ZNF608: variants seen among roughly 807,000 people sequenced by gnomAD.
ZNF608 encodes renal carcinoma antigen NY-REN-36.
Under a neutral mutation model 109.0 loss-of-function variants are expected in ZNF608, and 12 were observed. That is an observed-to-expected ratio of 0.11 (90% CI 0.07 to 0.18). The LOEUF is 0.18. ZNF608 is among the 10% of genes least tolerant of loss of function. The pLI, the probability that ZNF608 is intolerant of heterozygous loss-of-function variation, is 1.00. For synonymous variants in ZNF608, 732 were observed against 717.4 expected (o/e 1.02, Z -0.33); for missense variants, 1,707 against 1,879.3 (o/e 0.91, Z 1.70).
chr5:124,701,951 C>T (rs753925127), intron 2 of ZNF608, among the ~76,000 whole-genome samples: 3 of 152,080 alleles, frequency 2.0e-5, no homozygotes, highest in East Asian at 3.9e-4. Flanking sequence ...CAAATTCTTC[C>T]GTGGTTAAAC....
intron 5 of ZNF608, among the ~76,000 whole-genome samples, chr5:124,644,948 G>C (rs534645406): frequency 6.6e-6 from 1 of 152,084 alleles, no homozygotes; most frequent in Non-Finnish European, 1.5e-5. Context: ...CGTGGAGCTG[G>C]GCTTCAAACT....
Position 124,647,444 on chromosome 5 carries a change from A to C in ZNF608, c.2940T>G (p.Ser980=). Residue 980 remains serine (S), a synonymous_variant, in exon 5 of 10, where the codon TCT becomes TCG. Transcript: ENST00000513986. ...GTTGAGATGATTGTGCTGTAGTTGA[A>C]GAATGCCCTTTTACAACACTGTCCT... ...SSKDSVVKGH[S]STTAQSSQLK... 1 of 1,614,240 alleles carries C rather than the reference A, an allele frequency of 6.2e-7. No homozygotes were observed. Among genetic ancestry groups the C allele is most frequent in the Non-Finnish European group, 8.5e-7 (1 of 1,180,048 alleles).
intron 3 of ZNF608, among the ~76,000 whole-genome samples, chr5:124,662,941 G>C (rs183425577): frequency 6.6e-6 from 1 of 152,258 alleles, no homozygotes; most frequent in Non-Finnish European, 1.5e-5. Flanking sequence ...TAACACTTGG[G>C]GGTTGCCACC....
At chr5:124,713,593 G>A (rs1753583551) in intron 2 of ZNF608, among the ~76,000 whole-genome samples, 1 of 152,124 alleles carries the variant, frequency 6.6e-6, no homozygotes, top group South Asian at 2.1e-4. Context: ...AAAATTCTGT[G>A]GAAATTTGTT....
chr5:124,744,983 C>G lies in ZNF608; in HGVS notation c.7G>C (p.Val3Leu), dbSNP rs1561600136. ...CCTTTTCCTGCAGTAGAAATGTTCA[C>G]TGACATCCTGAAGATGAGCTCTCTA... MS[V>L]NISTAGKGVD... The change falls in exon 2 of 10, where the codon GTG (valine) becomes CTG (leucine). Residue 3 changes from valine (V) to leucine (L), a missense_variant. Val to Leu is a conservative substitution (Grantham distance 32). Coordinates refer to ENST00000513986, the MANE Select transcript of ZNF608 (RefSeq NM_020747.3). The surrounding 1 kb of genome is among the most constrained non-coding windows in gnomAD (Gnocchi z 4.5). 1.2e-6 allele frequency: 2 copies of G among 1,605,080 alleles called. No homozygotes were observed. Among genetic ancestry groups the G allele is most frequent in the East Asian group, 4.5e-5 (2 of 44,842 alleles).
chr5:124,664,570 A>G (rs1751399605), intron 3 of ZNF608, among the ~76,000 whole-genome samples: 1 of 152,140 alleles, frequency 6.6e-6, no homozygotes, highest in Admixed American at 6.5e-5. Flanking sequence ...TATCTCATTC[A>G]TTCCTCAGAG....
At chr5:124,676,554 G>A (rs114652469) in intron 3 of ZNF608, among the ~76,000 whole-genome samples, 2,019 of 151,994 alleles carry the variant, frequency 0.013, 26 homozygotes, top group Non-Finnish European at 0.022. Context: ...ATTTTGTGAC[G>A]TACCGTGTTA....
In ZNF608 at chr5:124,641,375, G is replaced by A. The variant is rs1443967204; in HGVS notation, c.4327C>T (p.Arg1443Trp). The A allele has an allele frequency of 8.1e-6, 13 of 1,613,764 alleles. No individual in the cohort carries two copies. The highest frequency in any genetic ancestry group is 1.1e-5 in the South Asian group (1 of 91,060). Residue 1443 changes from arginine to tryptophan, a missense_variant, in exon 8 of 10, where the codon CGG (arginine) becomes TGG (tryptophan). By Grantham distance (101) the Arg-to-Trp change is moderately radical. Around this residue, in one of 7 missense-constraint regions of ZNF608, gnomAD observed 1,073 missense variants for 1,133.5 expected, o/e 0.95. Transcript: ENST00000513986. ...PVEKATAERE[R>W]EAERERDRHS... ...CGATCCCTTTCCCTTTCTGCCTCCC[G>A]TTCCCGCTCAGCTGTAGCCTTTTCC...
rs1396998327 is a variant in ZNF608 at position 124,704,303 on chromosome 5, T to C, written c.907-3034A>G. Among the ~76,000 whole-genome samples, 4 of 152,226 alleles carry C rather than the reference T, an allele frequency of 2.6e-5. No homozygotes were observed. In the East Asian group the frequency reaches 7.7e-4, roughly 29 times the overall value. Reference sequence around the variant, plus strand: ...GAATTTCTTCGTTTCTTCACTGTAGTATCGGCTTCTCATGGTGGCTCAGAA... The same window carrying C: ...GAATTTCTTCGTTTCTTCACTGTAGCATCGGCTTCTCATGGTGGCTCAGAA... On this transcript the variant is annotated intron_variant, in intron 2 of 9. Coordinates refer to ENST00000513986, the MANE Select transcript of ZNF608 (RefSeq NM_020747.3).
In ZNF608 at chr5:124,638,042, C is replaced by T. The variant is rs12655148; in HGVS notation, c.4533-136G>A. 1.2e-5 allele frequency: 10 copies of T among 807,470 alleles called. No homozygotes were observed. The Admixed American group carries it at 1.3e-4, about 10-fold the overall frequency. 50.0% of individuals were successfully genotyped at this position (807,470 alleles called of 1,614,324 possible). ...CTCGGCTCACCGCAACCTCTGCCTC[C>T]TGGGTTCAAGTGATTCTCCTGCCTC... is the stretch of plus-strand genomic sequence containing the variant. On this transcript the variant is annotated intron_variant, in intron 9 of 9. Transcript: ENST00000513986.
rs927899720 is a variant in ZNF608 at position 124,641,123 on chromosome 5, A to C, written c.4450+129T>G. The C allele has an allele frequency of 2.5e-5, 28 of 1,123,874 alleles. No individual in the cohort carries two copies. In the Admixed American group the frequency reaches 5.1e-4, roughly 21 times the overall value. 69.6% of individuals were successfully genotyped at this position (1,123,874 alleles called of 1,614,324 possible). A position where few individuals can be genotyped will look rare whatever the true frequency, so the allele number is the denominator to read the frequency against. ...GCCTTAGCTGTGTCACTAGAAAATAAGTGTTAAAAACCCTCCTGAGAGCTA... is the reference window on the plus strand; with the variant it reads ...GCCTTAGCTGTGTCACTAGAAAATACGTGTTAAAAACCCTCCTGAGAGCTA... On this transcript the variant is annotated intron_variant, in intron 8 of 9. Coordinates refer to ENST00000513986, the MANE Select transcript of ZNF608 (RefSeq NM_020747.3).
chr5:124,694,923 A>T (rs1752786611), intron 3 of ZNF608, among the ~76,000 whole-genome samples: 2 of 152,206 alleles, frequency 1.3e-5, no homozygotes, highest in South Asian at 4.1e-4. Flanking sequence ...CCGAGGGGAA[A>T]GTTCACAGCC....
chr5:124,656,799 A>AACACACACACACACAC (rs35634231), intron 3 of ZNF608, among the ~76,000 whole-genome samples: 7 of 123,980 alleles, frequency 5.6e-5, no homozygotes, highest in African/African-American at 2.2e-4. Flanking sequence ...ATAAGCCCTA[A>AACACACACACACACAC]ACACACACAC....
rs200001992 is a variant in ZNF608, at chr5:124,647,519, C to T, written c.2865G>A (p.Ser955=). The change falls in exon 5 of 10, where the codon TCG becomes TCA. Residue 955 remains serine (S), a synonymous_variant. Coordinates refer to ENST00000513986, the MANE Select transcript of ZNF608 (RefSeq NM_020747.3). ...AACTGGCCTTTGATCTCATACCCTC[C>T]GACCTGCTGTCAGAACCACCATCGT... ...AADDGGSDSR[S]EGMRSKASSP... 5.1e-5 allele frequency: 82 copies of T among 1,614,168 alleles called. No individual in the cohort carries two copies. In the East Asian group the frequency reaches 1.0e-3, roughly 20 times the overall value.
chr5:124,668,364 C>G (rs1234652602), intron 3 of ZNF608, among the ~76,000 whole-genome samples: 1 of 150,622 alleles, frequency 6.6e-6, no homozygotes, highest in Non-Finnish European at 1.5e-5. Flanking sequence ...GATAATGAGA[C>G]CCTGTCTCAA....
intron 3 of ZNF608, among the ~76,000 whole-genome samples, chr5:124,653,693 C>G (rs1247071890): frequency 6.6e-6 from 1 of 152,118 alleles, no homozygotes; most frequent in Non-Finnish European, 1.5e-5. Context: ...CTGACTGGAC[C>G]AGTGATGGGC....
intron 3 of ZNF608, among the ~76,000 whole-genome samples, chr5:124,676,639 T>C (rs1580601590): frequency 6.6e-6 from 1 of 152,168 alleles, no homozygotes; most frequent in South Asian, 2.1e-4. Context: ...CTGGCTTAGA[T>C]ACCAGGAGAA....
At chr5:124,641,176 A>C in intron 8 of ZNF608, 76 bp downstream of exon 8, 1 of 1,584,618 alleles carries the variant, frequency 6.3e-7, no homozygotes, top group Non-Finnish European at 8.7e-7. Context: ...AATATTTTTA[A>C]GATGTGAAAT....
intron 7 of ZNF608, among the ~76,000 whole-genome samples, chr5:124,642,256 C>T (rs1189956496): frequency 1.3e-5 from 2 of 152,198 alleles, no homozygotes; most frequent in African/African-American, 4.8e-5. Context: ...CTAGAGCAGT[C>T]ACCTTTTTTG....
Sources: allele counts gnomAD v4.1 joint callset (sites outside exome capture counted in the v4.1 genomes callset), GRCh38; gene constraint gnomAD v4.1.1; regional missense constraint gnomAD v4.1.1; non-coding constraint Gnocchi (gnomAD v3.1); transcripts MANE v1.5; gene names NCBI Gene and HGNC (gene_info 2026-07-23, HGNC 2026-07-21).